Variants in KCNK2 observed in about 807,000 individuals in gnomAD.
The protein encoded by KCNK2 is potassium channel subfamily K member 2.
In KCNK2, 21 loss-of-function variants were observed where a neutral mutation model predicts 40.5. The ratio of observed to expected loss-of-function variants is 0.52; its 90% CI spans 0.37 to 0.75. The LOEUF (loss-of-function observed/expected upper bound fraction) is 0.75. Among genes scored for constraint, KCNK2 ranks in the 30% least tolerant of loss-of-function variants. KCNK2 has a pLI of 0.00. For synonymous variants in KCNK2, 191 were observed against 202.2 expected (o/e 0.94, Z 0.47); for missense variants, 399 against 531.6 (o/e 0.75, Z 2.45).
At chr1:215,069,136 T>G (rs61818295) in intron 1 of KCNK2, among the ~76,000 whole-genome samples, 1,762 of 152,286 alleles carry the variant, frequency 0.012, 39 homozygotes, top group South Asian at 0.097. Flanking sequence ...GGTGGCATCC[T>G]CACATCTTTA....
intron 6 of KCNK2, among the ~76,000 whole-genome samples, chr1:215,216,405 TA>T (rs1665957973): frequency 2.3e-5 from 1 of 42,646 alleles, no homozygotes; most frequent in Admixed American, 4.2e-4. Flanking sequence ...TATAATGTAT[TA>T]ATATTGTATA....
intron 1 of KCNK2, among the ~76,000 whole-genome samples, chr1:215,043,658 G>A (rs183964737): frequency 6.6e-5 from 10 of 152,306 alleles, no homozygotes; most frequent in African/African-American, 2.4e-4. Context: ...AACAGAGTTA[G>A]TGGTTAACAG....
upstream of KCNK2, among the ~76,000 whole-genome samples, chr1:215,078,373 T>C (rs578056045): frequency 4.6e-5 from 7 of 152,344 alleles, no homozygotes; most frequent in East Asian, 1.3e-3. Flanking sequence ...TATGAAGAAA[T>C]GTCTGAGATT....
At chr1:215,217,506 C>G (rs1666008269) in intron 6 of KCNK2, among the ~76,000 whole-genome samples, 2 of 152,124 alleles carry the variant, frequency 1.3e-5, no homozygotes. Context: ...ATCTTTATTA[C>G]TCACTTCTCA....
intron 5 of KCNK2, among the ~76,000 whole-genome samples, chr1:215,179,253 T>C (rs1664124207): frequency 6.6e-6 from 1 of 152,082 alleles, no homozygotes; most frequent in Non-Finnish European, 1.5e-5. Flanking sequence ...ATTTTTTTCT[T>C]TGTTAATCTA....
At chr1:215,075,099 G>A (rs11120484) in intron 1 of KCNK2, among the ~76,000 whole-genome samples, 86,437 of 151,986 alleles carry the variant, frequency 0.57, 25,235 homozygotes, top group Non-Finnish European at 0.63. Flanking sequence ...GCAAAACATG[G>A]GTGTTTTGAC....
chr1:215,116,629 A>G (rs1660957788), intron 2 of KCNK2, among the ~76,000 whole-genome samples: 1 of 152,110 alleles, frequency 6.6e-6, no homozygotes, highest in African/African-American at 2.4e-5. Flanking sequence ...ATAATCCCCA[A>G]ATGGAAGGAA....
chr1:215,178,406 T>TGGTGA (rs1323164643), intron 5 of KCNK2, among the ~76,000 whole-genome samples: 1 of 152,094 alleles, frequency 6.6e-6, no homozygotes, highest in Non-Finnish European at 1.5e-5. Context: ...TGAATAGGAG[T>TGGTGA]GGTGAGAGTA....
At position 215,086,656 on chromosome 1, in the gene KCNK2, C is replaced by T. The variant is rs1245684698; in HGVS notation, c.335C>T (p.Thr112Met). Residue 112 changes from threonine to methionine, a missense_variant, in exon 2 of 7, where the codon ACG becomes ATG. Physicochemically the swap from Thr to Met is moderately conservative, Grantham distance 81. Around this residue, in one of 3 missense-constraint regions of KCNK2, gnomAD observed 279 missense variants for 353.8 expected, o/e 0.79. Coordinates refer to ENST00000444842, the MANE Select transcript of KCNK2 (RefSeq NM_001017425.3). ...TCCCAACATTCCTGTGTCAATTCGA[C>T]GGAGCTGGATGAACTCATTCAGGTA... ...FISQHSCVNS[T>M]ELDELIQQIV... is the part of the protein sequence containing the mutation. 11 of 1,613,752 alleles carry T rather than the reference C, an allele frequency of 6.8e-6. No homozygotes were observed. The highest frequency in any genetic ancestry group is 9.3e-6 in the Non-Finnish European group (11 of 1,179,824).
intron 2 of KCNK2, among the ~76,000 whole-genome samples, chr1:215,120,606 C>T (rs758688228): frequency 1.3e-5 from 2 of 152,030 alleles, no homozygotes; most frequent in South Asian, 2.1e-4. Flanking sequence ...TTTGTGTGCA[C>T]GTGAATCTGT....
intron 5 of KCNK2, 62 bp from the exon 6 acceptor site, chr1:215,194,891 T>C (rs2102664832): frequency 2.0e-6 from 3 of 1,512,224 alleles, no homozygotes; most frequent in Non-Finnish European, 2.7e-6. Flanking sequence ...ATTTTAGCAA[T>C]ACCTAGATTG....
At chr1:215,046,403 G>A (rs1217042863) in intron 1 of KCNK2, among the ~76,000 whole-genome samples, 1 of 151,312 alleles carries the variant, frequency 6.6e-6, no homozygotes, top group African/African-American at 2.4e-5. Context: ...ATATGGTTGG[G>A]GACTATATTT....
intron 1 of KCNK2, among the ~76,000 whole-genome samples, chr1:215,070,612 C>T (rs1199627605): frequency 1.3e-5 from 2 of 151,980 alleles, no homozygotes; most frequent in African/African-American, 2.4e-5. Context: ...GAGACTTATT[C>T]ACTATCACGA....
At chr1:215,030,652 A>C (rs2841593) in intron 1 of KCNK2, among the ~76,000 whole-genome samples, 125,634 of 151,238 alleles carry the variant, frequency 0.83, 52,733 homozygotes, top group East Asian at 0.99. Flanking sequence ...CTCCCACCTC[A>C]GCCTCCCGAG....
intron 4 of KCNK2, 67 bp from the exon 5 acceptor site, chr1:215,171,920 GTCTCTCTCTC>G (rs3834061): frequency 6.7e-5 from 59 of 884,470 alleles, no homozygotes; most frequent in South Asian, 7.4e-5. Flanking sequence ...CTCTCTCTTT[GTCTCTCTCTC>G]TCTCTCTCTC....
At chr1:215,166,534 C>T (rs1357158557) in intron 3 of KCNK2, among the ~76,000 whole-genome samples, 4 of 152,020 alleles carry the variant, frequency 2.6e-5, no homozygotes, top group Non-Finnish European at 5.9e-5. Flanking sequence ...ACAGATATTC[C>T]CAGAGCAGGC....
intron 5 of KCNK2, among the ~76,000 whole-genome samples, chr1:215,186,711 A>G (rs1387492171): frequency 1.3e-5 from 2 of 152,174 alleles, no homozygotes; most frequent in Non-Finnish European, 2.9e-5. Flanking sequence ...TTATTTATGC[A>G]GAGAACATGT....
chr1:215,115,955 G>GTTT (rs35626781), intron 2 of KCNK2, among the ~76,000 whole-genome samples: 1 of 134,062 alleles, frequency 7.5e-6, no homozygotes. Flanking sequence ...TCTTCATCAT[G>GTTT]TTTTTTTTTT....
intron 3 of KCNK2, among the ~76,000 whole-genome samples, chr1:215,165,397 T>A (rs1408569662): frequency 1.3e-5 from 2 of 152,146 alleles, no homozygotes; most frequent in African/African-American, 2.4e-5. Context: ...TTATAAAGAA[T>A]GGCATCTATA....
Sources: allele counts gnomAD v4.1 joint callset (sites outside exome capture counted in the v4.1 genomes callset), GRCh38; gene constraint gnomAD v4.1.1; regional missense constraint gnomAD v4.1.1; transcripts MANE v1.5; gene names NCBI Gene and HGNC (gene_info 2026-07-23, HGNC 2026-07-21).